Variants in B3GALT1 observed in about 807,000 individuals in gnomAD.
B3GALT1 encodes the protein beta-1,3-galactosyltransferase 1.
Under a neutral mutation model 23.2 loss-of-function variants are expected in B3GALT1, and 10 were observed. That is an observed-to-expected ratio of 0.43 (90% CI 0.27 to 0.73). The LOEUF (loss-of-function observed/expected upper bound fraction) is 0.73, where lower values mean the gene tolerates loss of function less well. B3GALT1 is among the 30% of genes least tolerant of loss of function. B3GALT1 has a pLI of 0.21. For missense variants in B3GALT1, 299 were observed against 405.4 expected, an observed-to-expected ratio of 0.74 and a Z score of 2.25; for synonymous variants, 156 against 141.5, an observed-to-expected ratio of 1.10 and a Z score of -0.73.
At chr2:167,362,529 A>C (rs1221180790) in intron 1 of B3GALT1, among the ~76,000 whole-genome samples, 3 of 152,048 alleles carry the variant, frequency 2.0e-5, no homozygotes, top group Admixed American at 2.0e-4. Context: ...TGATTTACTT[A>C]GTCACATTTT....
chr2:167,648,198 A>G (rs1685790209), intron 3 of B3GALT1, among the ~76,000 whole-genome samples: 1 of 152,168 alleles, frequency 6.6e-6, no homozygotes, highest in East Asian at 1.9e-4. Flanking sequence ...TCAGTTCATT[A>G]TAAATACCAT....
At chr2:167,658,001 A>G (rs1462363979) in intron 3 of B3GALT1, among the ~76,000 whole-genome samples, 2 of 151,496 alleles carry the variant, frequency 1.3e-5, no homozygotes, top group African/African-American at 4.8e-5. Context: ...CATTCCCACC[A>G]ACATAAAAGA....
Position 167,361,693 on chromosome 2 carries a change from G to A in B3GALT1, c.-511+68359G>A, listed in dbSNP as rs373123606. ...TCATCTGTTTCCTTCTTGTCAACAT[G>A]CTGACAGCCAACACCAATCAACACT... On this transcript the variant is annotated intron_variant, in intron 1 of 4. Coordinates refer to ENST00000392690, the MANE Select transcript of B3GALT1 (RefSeq NM_020981.4). 5.9e-5 allele frequency among the ~76,000 whole-genome samples: 9 copies of A among 152,284 alleles called. No homozygotes were observed. The South Asian group carries it at 1.7e-3, about 28-fold the overall frequency.
chr2:167,428,757 T>G (rs1345781536), intron 1 of B3GALT1, among the ~76,000 whole-genome samples: 3 of 152,182 alleles, frequency 2.0e-5, no homozygotes, highest in Non-Finnish European at 4.4e-5. Flanking sequence ...TTGTTTTTAT[T>G]GTTGTTGTTT....
intron 1 of B3GALT1, among the ~76,000 whole-genome samples, chr2:167,454,782 C>T (rs1211846565): frequency 1.3e-5 from 2 of 152,148 alleles, no homozygotes; most frequent in Non-Finnish European, 2.9e-5. Context: ...TGTAATACCA[C>T]GTTTTCATAT....
chr2:167,434,791 T>C (rs1031022381), intron 1 of B3GALT1, among the ~76,000 whole-genome samples: 1 of 150,432 alleles, frequency 6.6e-6, no homozygotes, highest in Non-Finnish European at 1.5e-5. Flanking sequence ...ATGCTATAAT[T>C]TAAAAATTCT....
intron 1 of B3GALT1, among the ~76,000 whole-genome samples, chr2:167,480,476 C>G (rs1003712124): frequency 2.0e-5 from 3 of 152,182 alleles, no homozygotes; most frequent in Non-Finnish European, 4.4e-5. Context: ...CACTCTGCAG[C>G]TTTGTGCAGC....
chr2:167,554,079 T>G (rs148554348), intron 2 of B3GALT1, among the ~76,000 whole-genome samples: 4 of 152,194 alleles, frequency 2.6e-5, no homozygotes, highest in Admixed American at 2.6e-4. Context: ...GCATGACCGC[T>G]GGTCACTGGC....
chr2:167,662,846 C>A (rs911485770), intron 3 of B3GALT1, among the ~76,000 whole-genome samples: 1 of 152,054 alleles, frequency 6.6e-6, no homozygotes, highest in Non-Finnish European at 1.5e-5. Flanking sequence ...AATTTTGCAT[C>A]TGCTGTTTCT....
chr2:167,541,305 A>G (rs771411105), intron 2 of B3GALT1, among the ~76,000 whole-genome samples: 1 of 152,094 alleles, frequency 6.6e-6, no homozygotes, highest in Admixed American at 6.6e-5. Flanking sequence ...TTTCATTTCT[A>G]TTCTTCTCCT....
intron 2 of B3GALT1, among the ~76,000 whole-genome samples, chr2:167,597,831 T>C (rs912740552): frequency 6.6e-6 from 1 of 152,198 alleles, no homozygotes; most frequent in Non-Finnish European, 1.5e-5. Context: ...TCTTTGAATA[T>C]AAGGAACAGC....
chr2:167,553,719 C>A (rs1683790971), intron 2 of B3GALT1, among the ~76,000 whole-genome samples: 1 of 152,068 alleles, frequency 6.6e-6, no homozygotes, highest in African/African-American at 2.4e-5. Context: ...GTGATAGAAA[C>A]AAAATCTTTT....
At chr2:167,412,899 G>A (rs549986266) in intron 1 of B3GALT1, among the ~76,000 whole-genome samples, 1 of 152,124 alleles carries the variant, frequency 6.6e-6, no homozygotes, top group African/African-American at 2.4e-5. Context: ...AAAGAAATGG[G>A]AAATGAAATA....
At chr2:167,811,375 G>A (rs546681749) in intron 3 of B3GALT1, among the ~76,000 whole-genome samples, 29 of 152,226 alleles carry the variant, frequency 1.9e-4, no homozygotes, top group African/African-American at 2.9e-4. Context: ...CTTTCACAGC[G>A]GCAGATTTAA....
chr2:167,634,683 A>G (rs1685516542), intron 2 of B3GALT1, among the ~76,000 whole-genome samples: 2 of 152,018 alleles, frequency 1.3e-5, no homozygotes, highest in Admixed American at 6.6e-5. Flanking sequence ...ACCAATTACA[A>G]GTTCTGAAAT....
At chr2:167,341,350 T>C (rs1697142952) in intron 1 of B3GALT1, among the ~76,000 whole-genome samples, 1 of 152,190 alleles carries the variant, frequency 6.6e-6, no homozygotes, top group Non-Finnish European at 1.5e-5. Context: ...GAGAGTCTGA[T>C]AGCAGAAAAA....
intron 2 of B3GALT1, among the ~76,000 whole-genome samples, chr2:167,569,306 T>A (rs1684244224): frequency 6.6e-6 from 1 of 151,930 alleles, no homozygotes; most frequent in Non-Finnish European, 1.5e-5. Context: ...TACATCAACA[T>A]CTTCCTATCT....
chr2:167,377,570 A>G (rs1697783946), intron 1 of B3GALT1, among the ~76,000 whole-genome samples: 1 of 152,160 alleles, frequency 6.6e-6, no homozygotes, highest in Admixed American at 6.5e-5. Context: ...ACTCTTTATC[A>G]TGATGTAATG....
intron 2 of B3GALT1, among the ~76,000 whole-genome samples, chr2:167,536,506 G>A (rs538763871): frequency 6.6e-6 from 1 of 152,102 alleles, no homozygotes; most frequent in Non-Finnish European, 1.5e-5. Context: ...ATAAATGTAC[G>A]ATCTTATTCA....
Sources: gnomAD v4.1 joint callset for allele counts (sites outside exome capture counted in the v4.1 genomes callset) on GRCh38, gnomAD v4.1.1 for gene constraint, MANE v1.5 for transcripts, NCBI Gene and HGNC (gene_info 2026-07-23, HGNC 2026-07-21) for gene names.